FHIT: variants seen among roughly 807,000 people sequenced by gnomAD.
FHIT encodes bis(5'-adenosyl)-triphosphatase.
A neutral mutation model predicts 17.9 loss-of-function variants in FHIT; 19 were observed. The observed-to-expected ratio is 1.06, with a 90% CI of 0.74 to 1.56. The LOEUF (loss-of-function observed/expected upper bound fraction) is 1.56, where lower values mean the gene tolerates loss of function less well. FHIT is among the 40% of genes most tolerant of loss of function. The pLI, the probability that FHIT is intolerant of heterozygous loss-of-function variation, is 0.00. For missense variants in FHIT, 248 were observed against 189.2 expected, an observed-to-expected ratio of 1.31 and a Z score of -1.82; for synonymous variants, 81 against 69.7, an observed-to-expected ratio of 1.16 and a Z score of -0.81.
chr3:60,357,811 CAT>C (rs1699739949), intron 5 of FHIT, among the ~76,000 whole-genome samples: 1 of 77,158 alleles, frequency 1.3e-5, no homozygotes, highest in Non-Finnish European at 3.5e-5. Flanking sequence ...CGCTTAATCA[CAT>C]GGCCATCATA....
chr3:60,226,195 G>A (rs912010053), intron 5 of FHIT, among the ~76,000 whole-genome samples: 5 of 152,096 alleles, frequency 3.3e-5, no homozygotes, highest in Admixed American at 2.0e-4. Flanking sequence ...ACTGTTGGCT[G>A]GGCGCAGTGG....
intron 5 of FHIT, among the ~76,000 whole-genome samples, chr3:60,017,230 T>G (rs1458286200): frequency 1.3e-5 from 2 of 152,130 alleles, no homozygotes; most frequent in East Asian, 3.9e-4. Flanking sequence ...GCTGAACGCT[T>G]AAGAAACACC....
chr3:60,219,734 T>C (rs1005132556), intron 5 of FHIT, among the ~76,000 whole-genome samples: 19 of 152,114 alleles, frequency 1.2e-4, no homozygotes, highest in African/African-American at 4.6e-4. Context: ...CTCACTCCAT[T>C]TCTTCTTGTC....
intron 4 of FHIT, among the ~76,000 whole-genome samples, chr3:60,784,162 G>A (rs1436558365): frequency 6.6e-6 from 1 of 151,944 alleles, no homozygotes; most frequent in Non-Finnish European, 1.5e-5. Context: ...CTGCCAATAG[G>A]CTCCTGCACC....
intron 3 of FHIT, among the ~76,000 whole-genome samples, chr3:60,967,327 T>A (rs1382898508): frequency 2.0e-5 from 3 of 152,142 alleles, no homozygotes; most frequent in Non-Finnish European, 1.5e-5. Context: ...CATTGCTTGA[T>A]CCCTTAAACA....
rs1291203032 is a variant in FHIT, at chr3:60,142,250, C to A, written c.104-128098G>T. Among the ~76,000 whole-genome samples, 3 of 152,122 alleles carry A rather than the reference C, an allele frequency of 2.0e-5. No individual in the cohort carries two copies. The East Asian group carries it at 5.8e-4, about 29-fold the overall frequency. ...GTTACATAAACTGCATCTGTTTCCACAGGGATAATGCCAGCACGTAGCTCA... is the reference window on the plus strand; with the variant it reads ...GTTACATAAACTGCATCTGTTTCCAAAGGGATAATGCCAGCACGTAGCTCA... On this transcript the variant is annotated intron_variant, in intron 5 of 9. Coordinates refer to ENST00000492590, the MANE Select transcript of FHIT (RefSeq NM_002012.4).
intron 4 of FHIT, among the ~76,000 whole-genome samples, chr3:60,551,999 T>C (rs2036575707): frequency 1.3e-5 from 2 of 152,058 alleles, no homozygotes; most frequent in South Asian, 2.1e-4. Flanking sequence ...CATTTTCCTC[T>C]AGCCCACAGC....
intron 4 of FHIT, among the ~76,000 whole-genome samples, chr3:60,567,981 G>A (rs1576894731): frequency 6.6e-6 from 1 of 152,190 alleles, no homozygotes; most frequent in African/African-American, 2.4e-5. Context: ...AGGATGTGGA[G>A]AAATAGGAAC....
At chr3:60,505,333 C>A (rs6765826) in intron 5 of FHIT, among the ~76,000 whole-genome samples, 56,271 of 151,932 alleles carry the variant, frequency 0.37, 10,993 homozygotes, top group African/African-American at 0.48. Flanking sequence ...GTGTGGACAG[C>A]TTACTTCCAT....
chr3:60,681,045 A>C (rs1231596647), intron 4 of FHIT, among the ~76,000 whole-genome samples: 1 of 152,186 alleles, frequency 6.6e-6, no homozygotes, highest in Non-Finnish European at 1.5e-5. Context: ...AAGTACAGGC[A>C]TACCTTGTTT....
At chr3:59,753,075 C>T (rs1039246258) in intron 8 of FHIT, among the ~76,000 whole-genome samples, 11 of 151,928 alleles carry the variant, frequency 7.2e-5, no homozygotes, top group Admixed American at 2.6e-4. Flanking sequence ...TTGAGTTTGC[C>T]ACCAACCCAT....
chr3:60,502,793 C>G (rs1204035504), intron 5 of FHIT, among the ~76,000 whole-genome samples: 1 of 151,988 alleles, frequency 6.6e-6, no homozygotes, highest in Non-Finnish European at 1.5e-5. Flanking sequence ...TGGTGAATTG[C>G]ACGGTGTGTG....
intron 8 of FHIT, among the ~76,000 whole-genome samples, chr3:59,819,684 A>G (rs2106649216): frequency 6.6e-6 from 1 of 152,310 alleles, no homozygotes; most frequent in Middle Eastern, 3.4e-3. Context: ...CCATCATTAT[A>G]CAAATGGAAT....
At chr3:60,767,413 A>G (rs1263396802) in intron 4 of FHIT, among the ~76,000 whole-genome samples, 1 of 152,168 alleles carries the variant, frequency 6.6e-6, no homozygotes, top group Non-Finnish European at 1.5e-5. Context: ...TGAAGTAGGA[A>G]CTTATATTTC....
intron 1 of FHIT, among the ~76,000 whole-genome samples, chr3:61,246,105 G>T (rs558168899): frequency 1.3e-5 from 2 of 152,296 alleles, no homozygotes; most frequent in East Asian, 3.9e-4. Context: ...GTTTAAAAAT[G>T]CCATGGCAAT....
intron 1 of FHIT, among the ~76,000 whole-genome samples, chr3:61,217,097 G>A (rs143080419): frequency 0.25 from 37,762 of 151,778 alleles, 5,258 homozygotes; most frequent in East Asian, 0.49. Context: ...ATAAATATGT[G>A]ACTAACCTGC....
chr3:60,664,819 T>C (rs1485735263), intron 4 of FHIT, among the ~76,000 whole-genome samples: 1 of 151,792 alleles, frequency 6.6e-6, no homozygotes, highest in Non-Finnish European at 1.5e-5. Context: ...AGGATCTGTA[T>C]TTATATTTCC....
intron 4 of FHIT, among the ~76,000 whole-genome samples, chr3:60,632,827 C>A (rs909445087): frequency 6.6e-6 from 1 of 152,216 alleles, no homozygotes; most frequent in African/African-American, 2.4e-5. Context: ...CTTTCCCTCA[C>A]TACCTTCTTA....
At chr3:60,835,328 T>A (rs1553743619) in intron 3 of FHIT, among the ~76,000 whole-genome samples, 1 of 152,306 alleles carries the variant, frequency 6.6e-6, no homozygotes, top group East Asian at 1.9e-4. Flanking sequence ...ATCGGTATCT[T>A]TACTACGCTG....
Sources: gnomAD v4.1 joint callset for allele counts (sites outside exome capture counted in the v4.1 genomes callset) on GRCh38, gnomAD v4.1.1 for gene constraint, MANE v1.5 for transcripts, NCBI Gene and HGNC (gene_info 2026-07-23, HGNC 2026-07-21) for gene names.